Variants in ERAP1 observed in about 807,000 individuals in gnomAD.
ERAP1 encodes adipocyte-derived leucine aminopeptidase.
A neutral mutation model predicts 103.7 loss-of-function variants in ERAP1; 86 were observed. That is an observed-to-expected ratio of 0.83 (90% CI 0.70 to 0.99). The LOEUF is 0.99. Among genes scored for constraint, ERAP1 ranks in the 50% least tolerant of loss-of-function variants. ERAP1 has a pLI of 0.00. For synonymous variants in ERAP1, 398 were observed against 402.4 expected (o/e 0.99, Z 0.13); for missense variants, 1,009 against 1,128.4 (o/e 0.89, Z 1.52).
chr5:96,848,913 A>G, the ERAP1 span: 5 of 152,292 alleles, frequency 3.3e-5, no homozygotes, highest in Admixed American at 3.3e-4. Context: ...TGAACAGTAC[A>G]TTAAAAGTAT....
the ERAP1 span, among the ~76,000 whole-genome samples, chr5:96,832,253 A>G: frequency 6.6e-5 from 10 of 152,224 alleles, no homozygotes; most frequent in African/African-American, 2.4e-4. Flanking sequence ...CTCCTGGTGT[A>G]TGATAGAACT....
chr5:96,896,325 T>C, the ERAP1 span: 370 of 1,469,862 alleles, frequency 2.5e-4, no homozygotes, highest in East Asian at 2.7e-3. Flanking sequence ...CTATTGCTTT[T>C]ACAGTGTCAA....
the ERAP1 span, among the ~76,000 whole-genome samples, chr5:96,851,266 T>A: frequency 6.6e-6 from 1 of 152,192 alleles, no homozygotes; most frequent in African/African-American, 2.4e-5. Context: ...CTGTCCCTGT[T>A]GAAATATTAG....
the ERAP1 span, chr5:96,880,305 C>G: frequency 6.6e-7 from 1 of 1,517,442 alleles, no homozygotes; most frequent in Non-Finnish European, 8.9e-7. Flanking sequence ...TGATAATTTC[C>G]TTACGAGTTA....
the ERAP1 span, chr5:96,892,260 G>A: frequency 6.2e-7 from 1 of 1,605,328 alleles, no homozygotes. Flanking sequence ...TCTGGTGTGG[G>A]AGCCATAAAA....
intron 13 of ERAP1, 50 bp downstream of exon 13, chr5:96,785,738 A>C (rs774625123): frequency 1.8e-5 from 29 of 1,588,854 alleles, no homozygotes; most frequent in Non-Finnish European, 2.3e-5. Flanking sequence ...AATTTGAACA[A>C]TAACAGCTGC....
Position 96,776,525 on chromosome 5 carries a change from T to A in ERAP1, c.2697A>T (p.Lys899Asn). Residue 899 changes from lysine to asparagine, a missense_variant, in exon 19 of 19, where the codon AAA (lysine) becomes AAT (asparagine). Physicochemically the swap from Lys to Asn is moderately conservative, Grantham distance 94 (BLOSUM62 0). This residue lies in a region of ERAP1 where 611 missense variants were observed against 651.7 expected (regional missense o/e 0.94). Transcript: ENST00000443439. ...EEVKGFFSSL[K>N]ENGSQLRCVQ... is the part of the protein sequence containing the mutation. Reference sequence around the variant, plus strand: ...CACAACGGAGCTGAGAACCATTTTCTTTCAAAGAGCTGAAGAATCCTTTTA... The same window carrying A: ...CACAACGGAGCTGAGAACCATTTTCATTCAAAGAGCTGAAGAATCCTTTTA... 6.2e-7 allele frequency: 1 copy of A among 1,614,124 alleles called. No homozygotes were observed. Among genetic ancestry groups the A allele is most frequent in the Non-Finnish European group, 8.5e-7 (1 of 1,180,022 alleles).
chr5:96,896,228 GAA>G, the ERAP1 span: 11 of 590,216 alleles, frequency 1.9e-5, no homozygotes. Context: ...GGCCAAAGGG[GAA>G]TACATACAAG....
chr5:96,768,136 T>C, intron 19 of ERAP1: 1 of 687,114 alleles, frequency 1.5e-6, no homozygotes, highest in Non-Finnish European at 2.6e-6. Flanking sequence ...CAGGCTGGAG[T>C]GCAGTGGTGT....
chr5:96,828,679 G>A, the ERAP1 span, among the ~76,000 whole-genome samples: 1 of 151,978 alleles, frequency 6.6e-6, no homozygotes, highest in South Asian at 2.1e-4. Flanking sequence ...ACCCCATCCT[G>A]GACATATGGG....
the ERAP1 span, among the ~76,000 whole-genome samples, chr5:96,862,547 A>G: frequency 5.3e-5 from 8 of 152,312 alleles, no homozygotes; most frequent in Non-Finnish European, 7.4e-5. Context: ...CAGATATGAG[A>G]TCTGGAACTT....
Position 96,775,955 on chromosome 5 carries a change from C to T in ERAP1, c.*441G>A, listed in dbSNP as rs959876518. 28 of 1,043,490 alleles carry T rather than the reference C, an allele frequency of 2.7e-5. No individual in the cohort carries two copies. Among genetic ancestry groups the T allele is most frequent in the African/African-American group, 1.7e-4 (10 of 58,536 alleles). The allele number at this position is 1,043,490 out of a possible 1,614,324, so 64.6% of individuals were successfully genotyped here. On this transcript the variant is annotated 3_prime_UTR_variant, in exon 19 of 19. Coordinates refer to ENST00000443439, the MANE Select transcript of ERAP1 (RefSeq NM_001040458.3). ...GGGCAGCGGGTCTGGAGGGGTGAGC[C>T]GGGAGAGCTTTAACCCAGTCATCGT...
In ERAP1 at chr5:96,774,652, A is replaced by C; in HGVS notation, c.*1744T>G. On this transcript the variant is annotated 3_prime_UTR_variant, in exon 19 of 19. Transcript: ENST00000443439. ...CATGTTTCATTAATCAAGGCATAAAATACAATTAAAGCAAAATATTTTACA... is the reference window on the plus strand; with the variant it reads ...CATGTTTCATTAATCAAGGCATAAACTACAATTAAAGCAAAATATTTTACA... The C allele has an allele frequency of 1.0e-6, 1 of 984,872 alleles. No homozygotes were observed. The allele number at this position is 984,872 out of a possible 1,614,324, so 61.0% of individuals were successfully genotyped here.
intron 4 of ERAP1, 116 bp from the exon 5 acceptor site, chr5:96,795,278 A>T: frequency 2.2e-6 from 3 of 1,371,636 alleles, no homozygotes; most frequent in East Asian, 4.9e-5. Flanking sequence ...CCAATATTAA[A>T]GAAAATAATT....
chr5:96,882,744 C>A, the ERAP1 span, among the ~76,000 whole-genome samples: 1 of 152,124 alleles, frequency 6.6e-6, no homozygotes, highest in African/African-American at 2.4e-5. Flanking sequence ...ACAAATAAAA[C>A]CTTGAGGCCA....
chr5:96,870,978 G>T, the ERAP1 span, among the ~76,000 whole-genome samples: 1 of 152,118 alleles, frequency 6.6e-6, no homozygotes, highest in African/African-American at 2.4e-5. Context: ...TCAGTTTCTG[G>T]CAACGTTTAT....
Position 96,803,460 on chromosome 5 carries a change from GA to G in ERAP1, c.466del (p.Ser156ArgfsTer19), listed in dbSNP as rs1561290548. ...TVVIHYAGNL[S>X]ETFHGFYKST... ...TTTGTAAAATCCGTGGAAAGTCTCC[GA>G]AAGATTGCCAGCATAGTGAATGACA... On this transcript the variant is annotated frameshift_variant, in exon 2 of 19. Coordinates refer to ENST00000443439, the MANE Select transcript of ERAP1 (RefSeq NM_001040458.3). LOFTEE classifies it high-confidence loss of function. 2 of 1,613,068 alleles carry G rather than the reference GA, an allele frequency of 1.2e-6. No homozygotes were observed. Among genetic ancestry groups the G allele is most frequent in the Non-Finnish European group, 1.7e-6 (2 of 1,179,774 alleles).
the ERAP1 span, among the ~76,000 whole-genome samples, chr5:96,866,574 C>G: frequency 0.088 from 13,338 of 152,228 alleles, 679 homozygotes; most frequent in Middle Eastern, 0.15. Context: ...TTTCTGGGTG[C>G]AGTTGCTTTA....
chr5:96,868,126 C>A, the ERAP1 span, among the ~76,000 whole-genome samples: 1 of 152,082 alleles, frequency 6.6e-6, no homozygotes, highest in African/African-American at 2.4e-5. Context: ...TCTCAGGCTA[C>A]CAACTTGAAG....
Sources: gnomAD v4.1 joint callset for allele counts (sites outside exome capture counted in the v4.1 genomes callset) on GRCh38, gnomAD v4.1.1 for gene constraint, gnomAD v4.1.1 regional missense constraint, MANE v1.5 for transcripts, NCBI Gene and HGNC (gene_info 2026-07-23, HGNC 2026-07-21) for gene names.